The following RANBP2 variants were observed in gnomAD, a reference collection of about 807,000 sequenced individuals.
RANBP2 encodes the protein RAN binding protein 2.
A neutral mutation model predicts 303.6 loss-of-function variants in RANBP2; 57 were observed. The ratio of observed to expected loss-of-function variants is 0.19; its 90% CI spans 0.15 to 0.23. The LOEUF (loss-of-function observed/expected upper bound fraction) is 0.23. Among genes scored for constraint, RANBP2 ranks in the 10% least tolerant of loss-of-function variants. The pLI, the probability that RANBP2 is intolerant of heterozygous loss-of-function variation, is 1.00. For synonymous variants in RANBP2, 1,167 were observed against 1,301.5 expected (o/e 0.90, Z 2.23); for missense variants, 3,138 against 3,780.8 (o/e 0.83, Z 4.46).
chr2:109,760,133 A>T, the RANBP2 span, among the ~76,000 whole-genome samples: 1 of 137,322 alleles, frequency 7.3e-6, no homozygotes, highest in African/African-American at 2.7e-5. Context: ...TAAGTGAATT[A>T]TGTAGGCAGG....
chr2:108,858,509 G>A, the RANBP2 span, among the ~76,000 whole-genome samples: 1 of 152,196 alleles, frequency 6.6e-6, no homozygotes, highest in Non-Finnish European at 1.5e-5. Context: ...ATGTCTGACT[G>A]AAGAGCATTT....
the RANBP2 span, among the ~76,000 whole-genome samples, chr2:109,654,892 ATTTCT>A: frequency 3.4e-5 from 5 of 149,102 alleles, no homozygotes; most frequent in African/African-American, 4.9e-5. Flanking sequence ...AGGTGATCTT[ATTTCT>A]TTTCTTTTCT....
chr2:109,760,136 T>C, the RANBP2 span, among the ~76,000 whole-genome samples: 2 of 134,228 alleles, frequency 1.5e-5, no homozygotes, highest in African/African-American at 5.7e-5. Context: ...GTGAATTATG[T>C]AGGCAGGAGG....
the RANBP2 span, among the ~76,000 whole-genome samples, chr2:109,242,493 G>A: frequency 1.4e-4 from 21 of 152,180 alleles, no homozygotes; most frequent in Non-Finnish European, 1.8e-4. Flanking sequence ...AGTGACACAG[G>A]CACTGATTGG....
the RANBP2 span, among the ~76,000 whole-genome samples, chr2:109,573,534 G>A: frequency 6.6e-6 from 1 of 152,186 alleles, no homozygotes. Flanking sequence ...CAAGCAACTA[G>A]TCAAAAGTAA....
chr2:109,664,534 G>A, the RANBP2 span, among the ~76,000 whole-genome samples: 2 of 152,156 alleles, frequency 1.3e-5, no homozygotes, highest in South Asian at 2.1e-4. Context: ...AATGTGGGAG[G>A]AGGAGGTTGC....
chr2:109,276,142 G>A, the RANBP2 span, among the ~76,000 whole-genome samples: 1 of 152,204 alleles, frequency 6.6e-6, no homozygotes, highest in Non-Finnish European at 1.5e-5. Flanking sequence ...CTGAACCCAC[G>A]AGGGTTCGAG....
At chr2:109,720,378 T>C in the RANBP2 span, among the ~76,000 whole-genome samples, 1 of 152,102 alleles carries the variant, frequency 6.6e-6, no homozygotes, top group East Asian at 1.9e-4. Flanking sequence ...CAGTGGTTCT[T>C]AATTCTGGCT....
chr2:108,737,167 A>G (rs1433845302), intron 6 of RANBP2, among the ~76,000 whole-genome samples: 1 of 152,212 alleles, frequency 6.6e-6, no homozygotes, highest in Non-Finnish European at 1.5e-5. Flanking sequence ...GGGTAAGAGC[A>G]GTATCTAAAA....
chr2:109,696,160 T>A, the RANBP2 span, among the ~76,000 whole-genome samples: 1 of 152,160 alleles, frequency 6.6e-6, no homozygotes, highest in South Asian at 2.1e-4. Context: ...AGATGGGGTT[T>A]CACCATGTTG....
the RANBP2 span, among the ~76,000 whole-genome samples, chr2:109,420,611 A>G: frequency 6.6e-6 from 1 of 151,942 alleles, no homozygotes; most frequent in Admixed American, 6.6e-5. Context: ...ACGCCTGGCT[A>G]AATTTTTGTA....
chr2:109,445,916 C>T, the RANBP2 span, among the ~76,000 whole-genome samples: 1 of 152,106 alleles, frequency 6.6e-6, no homozygotes, highest in Non-Finnish European at 1.5e-5. Flanking sequence ...ATAGAATGAA[C>T]TGAGTGAGGG....
the RANBP2 span, among the ~76,000 whole-genome samples, chr2:109,284,832 G>GTGTT: frequency 6.6e-6 from 1 of 152,228 alleles, no homozygotes; most frequent in African/African-American, 2.4e-5. Context: ...TGGGGTGTGT[G>GTGTT]TGTTTAAGGA....
At chr2:109,054,743 G>A in the RANBP2 span, among the ~76,000 whole-genome samples, 121 of 150,318 alleles carry the variant, frequency 8.0e-4, no homozygotes, top group African/African-American at 2.8e-3. Context: ...TTGGACAAAT[G>A]TATACACCTG....
the RANBP2 span, among the ~76,000 whole-genome samples, chr2:109,427,342 G>A: frequency 6.6e-6 from 1 of 152,162 alleles, no homozygotes; most frequent in Admixed American, 6.5e-5. Context: ...ATACGCTACT[G>A]TATAGTATAA....
chr2:108,986,482 G>A, the RANBP2 span, among the ~76,000 whole-genome samples: 2,492 of 152,208 alleles, frequency 0.016, 70 homozygotes, highest in East Asian at 0.092. Context: ...TGGAGGCAGA[G>A]GACACAGGTT....
At chr2:109,618,596 C>T in the RANBP2 span, 4 of 166,962 alleles carry the variant, frequency 2.4e-5, no homozygotes, top group Non-Finnish European at 5.9e-5. Flanking sequence ...CTTAACTTTA[C>T]ATTCCTCTTA....
the RANBP2 span, chr2:108,794,471 G>A: frequency 3.8e-4 from 524 of 1,381,140 alleles, 4 homozygotes; most frequent in African/African-American, 6.8e-3. Context: ...TCTTCCTAAA[G>A]GTTACTCTGA....
the RANBP2 span, among the ~76,000 whole-genome samples, chr2:109,241,943 T>C: frequency 6.6e-6 from 1 of 151,914 alleles, no homozygotes; most frequent in Non-Finnish European, 1.5e-5. Context: ...TGAGACACGA[T>C]GTTCCCCAGA....
Sources: gnomAD v4.1 joint callset for allele counts (sites outside exome capture counted in the v4.1 genomes callset) on GRCh38, gnomAD v4.1.1 for gene constraint, MANE v1.5 for transcripts, NCBI Gene and HGNC (gene_info 2026-07-23, HGNC 2026-07-21) for gene names.